The following BABAM2 variants were observed in gnomAD, a reference collection of about 807,000 sequenced individuals.
BABAM2 encodes the protein BRISC and BRCA1 A complex member 2.
A neutral mutation model predicts 54.7 loss-of-function variants in BABAM2; 31 were observed. That is an observed-to-expected ratio of 0.57 (90% CI 0.43 to 0.77). The LOEUF is 0.77. Among genes scored for constraint, BABAM2 ranks in the 30% least tolerant of loss-of-function variants. The pLI, the probability that BABAM2 is intolerant of heterozygous loss-of-function variation, is 0.00. For missense variants in BABAM2, 364 were observed against 455.8 expected, an observed-to-expected ratio of 0.80 and a Z score of 1.83; for synonymous variants, 167 against 162.9, an observed-to-expected ratio of 1.03 and a Z score of -0.19.
chr2:28,210,167 A>G (rs1679311011), intron 7 of BABAM2, among the ~76,000 whole-genome samples: 1 of 152,126 alleles, frequency 6.6e-6, no homozygotes, highest in South Asian at 2.1e-4. Context: ...AACAGCCTGC[A>G]AGGGAAGGCC....
intron 7 of BABAM2, among the ~76,000 whole-genome samples, chr2:28,222,935 CTCTG>C (rs1409174993): frequency 2.0e-5 from 3 of 152,248 alleles, no homozygotes; most frequent in African/African-American, 7.2e-5. Flanking sequence ...CCGCCCCGCA[CTCTG>C]TCTGGGGAAG....
intron 11 of BABAM2, among the ~76,000 whole-genome samples, chr2:28,311,194 G>C (rs893546155): frequency 1.3e-5 from 2 of 151,256 alleles, no homozygotes; most frequent in Non-Finnish European, 2.9e-5. Flanking sequence ...CCGGGAGGCG[G>C]AGCTTGCAGT....
chr2:28,319,190 C>T (rs751230155), intron 11 of BABAM2, among the ~76,000 whole-genome samples: 1 of 152,190 alleles, frequency 6.6e-6, no homozygotes, highest in African/African-American at 2.4e-5. Context: ...GTTAGTGCAC[C>T]AGATGTGTAA....
Position 28,028,499 on chromosome 2 carries a change from T to C in BABAM2, c.495+3079T>C, listed in dbSNP as rs535545177. Among the ~76,000 whole-genome samples the C allele has an allele frequency of 1.8e-3, 267 of 152,128 alleles. 2 individuals carry two copies. The highest frequency in any genetic ancestry group is 6.0e-3 in the African/African-American group (247 of 41,492). On this transcript the variant is annotated intron_variant, in intron 5 of 11. Coordinates refer to ENST00000379624, the MANE Select transcript of BABAM2 (RefSeq NM_199191.3). ...GGGAGCCTACCATACTTATTGATTA[T>C]GTTTATTGTGTGTCTGTCTTCATTG...
intron 7 of BABAM2, among the ~76,000 whole-genome samples, chr2:28,196,581 G>A (rs1468398823): frequency 6.6e-6 from 1 of 152,044 alleles, no homozygotes; most frequent in South Asian, 2.1e-4. Context: ...ATGGCTCAAT[G>A]CCTGTAAGCC....
At chr2:28,314,807 A>T (rs1689373988) in intron 11 of BABAM2, among the ~76,000 whole-genome samples, 1 of 151,904 alleles carries the variant, frequency 6.6e-6, no homozygotes, top group African/African-American at 2.4e-5. Flanking sequence ...GGAAGCTGAA[A>T]TTGGAGGCTG....
upstream of BABAM2, chr2:27,890,410 G>A: frequency 6.7e-7 from 1 of 1,481,930 alleles, no homozygotes; most frequent in Non-Finnish European, 9.2e-7. The surrounding 1 kb of genome is among the most constrained non-coding windows in gnomAD (Gnocchi z 4.8). Flanking sequence ...CCCGTAACCA[G>A]AGACGCCACT....
intron 5 of BABAM2, among the ~76,000 whole-genome samples, chr2:28,033,106 C>A (rs1007448093): frequency 3.9e-5 from 6 of 152,014 alleles, no homozygotes; most frequent in Non-Finnish European, 8.8e-5. Flanking sequence ...TTTAAAGTGA[C>A]GAATTCCCAT....
Position 28,176,890 on chromosome 2 carries a change from A to G in BABAM2, c.680+47510A>G, listed in dbSNP as rs184500536. ...GAGAAGAAATTTTAAAAAATGAACA[A>G]AGTGTATATGACATATGGGACACCA... On this transcript the variant is annotated intron_variant, in intron 7 of 11. Coordinates refer to ENST00000379624, the MANE Select transcript of BABAM2 (RefSeq NM_199191.3). Among the ~76,000 whole-genome samples, 15 of 151,944 alleles carry G rather than the reference A, an allele frequency of 9.9e-5. No homozygotes were observed. In the East Asian group the frequency reaches 2.9e-3, roughly 29 times the overall value.
chr2:28,036,817 A>C (rs966579810), intron 5 of BABAM2, among the ~76,000 whole-genome samples: 4 of 152,216 alleles, frequency 2.6e-5, no homozygotes, highest in Non-Finnish European at 4.4e-5. Flanking sequence ...CGATTAAATT[A>C]CTTCCAAAGC....
At chr2:28,017,878 G>A (rs1674958310) in intron 4 of BABAM2, among the ~76,000 whole-genome samples, 1 of 152,318 alleles carries the variant, frequency 6.6e-6, no homozygotes, top group East Asian at 1.9e-4. Context: ...TCCATTGTAT[G>A]TGTGTACACA....
intron 2 of BABAM2, among the ~76,000 whole-genome samples, chr2:27,926,390 C>T (rs1667709363): frequency 6.6e-6 from 1 of 152,114 alleles, no homozygotes; most frequent in African/African-American, 2.4e-5. Context: ...CCCAGATGTA[C>T]CAAGCTTGTT....
rs528707917 is a variant in BABAM2, at chr2:28,023,281, T to G, written c.301-1945T>G. ...GAGAAATGACAGAATTTAAAAAATATAAATCAAGACAACTAACTTTTCTTT... is the reference window on the plus strand; with the variant it reads ...GAGAAATGACAGAATTTAAAAAATAGAAATCAAGACAACTAACTTTTCTTT... On this transcript the variant is annotated intron_variant, in intron 4 of 11. Coordinates refer to ENST00000379624, the MANE Select transcript of BABAM2 (RefSeq NM_199191.3). Among the ~76,000 whole-genome samples the G allele has an allele frequency of 5.2e-4, 79 of 152,320 alleles. 2 individuals are homozygous for G. The highest frequency in any genetic ancestry group is 5.0e-3 in the Admixed American group (77 of 15,306).
chr2:28,111,902 C>T (rs1294590157), intron 6 of BABAM2, among the ~76,000 whole-genome samples: 1 of 152,260 alleles, frequency 6.6e-6, no homozygotes, highest in Admixed American at 6.5e-5. Context: ...GATACTGGTC[C>T]TCCTGTCTCT....
At chr2:28,296,516 A>G (rs1016602402) in intron 10 of BABAM2, among the ~76,000 whole-genome samples, 3 of 151,868 alleles carry the variant, frequency 2.0e-5, no homozygotes, top group Admixed American at 6.6e-5. Context: ...GGCCCTCCCA[A>G]CTGGATGGTT....
At chr2:28,145,905 A>G (rs1292265099) in intron 7 of BABAM2, among the ~76,000 whole-genome samples, 1 of 152,196 alleles carries the variant, frequency 6.6e-6, no homozygotes, top group East Asian at 1.9e-4. Flanking sequence ...AGCATGTATC[A>G]ATACTTCATT....
rs369510799 is a variant in BABAM2, at chr2:28,063,921, C to T, written c.570+18122C>T. Among the ~76,000 whole-genome samples the T allele has an allele frequency of 1.2e-4, 18 of 152,170 alleles. 1 individual carries two copies. Among genetic ancestry groups the T allele is most frequent in the African/African-American group, 4.3e-4 (18 of 41,528 alleles). On this transcript the variant is annotated intron_variant, in intron 6 of 11. Coordinates refer to ENST00000379624, the MANE Select transcript of BABAM2 (RefSeq NM_199191.3). ...GCTCAGAGAAGTTGAATGGGTTACC[C>T]AGGGTTATCCTAACTGTATGAACTG...
intron 10 of BABAM2, among the ~76,000 whole-genome samples, chr2:28,256,443 A>G (rs553211188): frequency 1.3e-5 from 2 of 152,318 alleles, no homozygotes; most frequent in South Asian, 4.1e-4. Context: ...TTATGTAAAG[A>G]AAATGCGTAA....
At chr2:28,054,427 A>C (rs994753220) in intron 6 of BABAM2, among the ~76,000 whole-genome samples, 1 of 152,208 alleles carries the variant, frequency 6.6e-6, no homozygotes, top group African/African-American at 2.4e-5. Flanking sequence ...TGTTAAAATG[A>C]CGTTAGCTAT....
Sources: gnomAD v4.1 joint callset for allele counts (sites outside exome capture counted in the v4.1 genomes callset) on GRCh38, gnomAD v4.1.1 for gene constraint, Gnocchi (gnomAD v3.1) non-coding constraint, MANE v1.5 for transcripts, NCBI Gene and HGNC (gene_info 2026-07-23, HGNC 2026-07-21) for gene names.